The following SNAP47 variants were observed in gnomAD, a reference collection of about 807,000 sequenced individuals.
SNAP47 encodes synaptosome associated protein 47, also known as synaptosomal-associated protein 47.
A neutral mutation model predicts 31.4 loss-of-function variants in SNAP47; 20 were observed. The observed-to-expected ratio is 0.64, with a 90% CI of 0.45 to 0.93. SNAP47 has a LOEUF of 0.93. Among genes scored for constraint, SNAP47 ranks in the 40% least tolerant of loss-of-function variants. SNAP47 has a pLI of 0.00. For synonymous variants in SNAP47, 194 were observed against 213.4 expected (o/e 0.91, Z 0.79); for missense variants, 492 against 528.5 (o/e 0.93, Z 0.68).
At chr1:227,778,089 G>T (rs752555464) in intron 4 of SNAP47, among the ~76,000 whole-genome samples, 1 of 152,242 alleles carries the variant, frequency 6.6e-6, no homozygotes, top group African/African-American at 2.4e-5. Context: ...TGAGTTATTC[G>T]CAAGAGTGTA....
Position 227,762,498 on chromosome 1 carries a change from A to T in SNAP47, c.988+3013A>T, listed in dbSNP as rs1298462166. On this transcript the variant is annotated intron_variant, in intron 3 of 4. Coordinates refer to ENST00000617596, the MANE Select transcript of SNAP47 (RefSeq NM_053052.4). This position sits in a 1 kb window ranked among gnomAD's most constrained non-coding sequence, Gnocchi z 4.2. ...ACTCTGTGCCAGCTTCCCTGTGTTT[A>T]CTGCTCTCAGCTGGAAACTGTGGGC... Among the ~76,000 whole-genome samples the T allele has an allele frequency of 6.6e-6, 1 of 152,032 alleles. No individual in the cohort carries two copies. The highest frequency in any genetic ancestry group is 1.5e-5 in the Non-Finnish European group (1 of 67,988).
In SNAP47 at chr1:227,765,968, A is replaced by T. The variant is rs894138024; in HGVS notation, c.989-991A>T. 7.9e-5 allele frequency among the ~76,000 whole-genome samples: 12 copies of T among 152,096 alleles called. 1 individual carries two copies. Among genetic ancestry groups the T allele is most frequent in the African/African-American group, 2.4e-4 (10 of 41,404 alleles). On this transcript the variant is annotated intron_variant, in intron 3 of 4. Coordinates refer to ENST00000617596, the MANE Select transcript of SNAP47 (RefSeq NM_053052.4). ...GGGGTTGGAAGGTGAGCTTGTCAAGATCATTTAGGGAGTGATAGGCTAGAG... is the reference window on the plus strand; with the variant it reads ...GGGGTTGGAAGGTGAGCTTGTCAAGTTCATTTAGGGAGTGATAGGCTAGAG...
upstream of SNAP47, chr1:227,732,290 G>C (rs775515248): frequency 7.3e-7 from 1 of 1,373,536 alleles, no homozygotes; most frequent in East Asian, 2.3e-5. Context: ...CCTCGACAGG[G>C]GTGGGCCCCA....
chr1:227,753,053 A>G (rs187695499), intron 2 of SNAP47, among the ~76,000 whole-genome samples: 1 of 152,336 alleles, frequency 6.6e-6, no homozygotes, highest in East Asian at 1.9e-4. Flanking sequence ...ATTTTTAATA[A>G]TCTGCAGACT....
At chr1:227,734,069 T>G (rs769940955), upstream of SNAP47, 7 of 1,598,190 alleles carry the variant, frequency 4.4e-6, no homozygotes, top group South Asian at 7.8e-5. Flanking sequence ...CGACAGCACG[T>G]GAGGCACGAG....
chr1:227,761,885 T>G (rs140423905), intron 3 of SNAP47, among the ~76,000 whole-genome samples: 71 of 152,290 alleles, frequency 4.7e-4, no homozygotes, highest in African/African-American at 1.6e-3. Context: ...GGCTGGTGTT[T>G]GTAAGTGGGT....
chr1:227,748,067 G>A lies in SNAP47; in HGVS notation c.331G>A (p.Asp111Asn). 6.2e-7 allele frequency: 1 copy of A among 1,614,170 alleles called. No homozygotes were observed. Among genetic ancestry groups the A allele is most frequent in the Non-Finnish European group, 8.5e-7 (1 of 1,180,028 alleles). The change falls in exon 2 of 5, where the codon GAC becomes AAC. Residue 111 changes from aspartate to asparagine, a missense_variant. Asp to Asn is a conservative substitution (Grantham distance 23). Transcript: ENST00000617596. ...GCTGTCTCAGCCTGGAGCCGTGGCA[G>A]ACGCATCTGTCCCAAGGACCCGGGG... ...LLLSQPGAVA[D>N]ASVPRTRGEE...
chr1:227,747,806 ACTGGACAG>A lies in SNAP47; in HGVS notation c.74_81del (p.Gly25ValfsTer12). The A allele has an allele frequency of 6.2e-7, 1 of 1,614,220 alleles. No homozygotes were observed. On this transcript the variant is annotated frameshift_variant, in exon 2 of 5. Coordinates refer to ENST00000617596, the MANE Select transcript of SNAP47 (RefSeq NM_053052.4). LOFTEE classifies it high-confidence loss of function. ...CCTGGAGCCCAAGAGGCGATGGGTT[ACTGGACAG>A]CTGTCCTTAACATCGCTGTCGCTCA...
At chr1:227,776,842 C>T in intron 4 of SNAP47, 1 of 985,454 alleles carries the variant, frequency 1.0e-6, no homozygotes, top group Non-Finnish European at 1.2e-6. Context: ...AGGGTCTCAA[C>T]AGGCTATTTG....
chr1:227,747,536 A>G (rs919847671), intron 1 of SNAP47, among the ~76,000 whole-genome samples, 156 bp from the exon 2 acceptor site: 1 of 152,152 alleles, frequency 6.6e-6, no homozygotes, highest in African/African-American at 2.4e-5. Context: ...GAGAGGGTAC[A>G]TGGGCTTCGT....
At chr1:227,740,146 T>G (rs1449490602) in intron 1 of SNAP47, among the ~76,000 whole-genome samples, 6 of 152,200 alleles carry the variant, frequency 3.9e-5, no homozygotes, top group Non-Finnish European at 7.4e-5. Context: ...TTGGTGACAG[T>G]GCCTTAGGAA....
intron 2 of SNAP47, 124 bp from the exon 3 acceptor site, chr1:227,758,871 T>C: frequency 4.1e-6 from 5 of 1,206,660 alleles, no homozygotes; most frequent in Non-Finnish European, 5.6e-6. Context: ...GGAGTGCTTG[T>C]GGAAATGAAG....
intron 3 of SNAP47, 118 bp downstream of exon 3, chr1:227,759,603 G>T (rs1662936002): frequency 7.3e-7 from 1 of 1,364,514 alleles, no homozygotes; most frequent in East Asian, 2.3e-5. Context: ...CTGGCCTCCA[G>T]CTTGCTAGAG....
intron 2 of SNAP47, among the ~76,000 whole-genome samples, chr1:227,748,759 T>C (rs6674275): frequency 0.094 from 14,240 of 152,294 alleles, 1,010 homozygotes; most frequent in East Asian, 0.33. Context: ...GAGTGAGGTC[T>C]GTCTTGGTGA....
intron 1 of SNAP47, among the ~76,000 whole-genome samples, chr1:227,738,306 C>T (rs1270049470): frequency 6.6e-6 from 1 of 152,174 alleles, no homozygotes; most frequent in African/African-American, 2.4e-5. Flanking sequence ...TCCCAAAGTG[C>T]TGGGATTACA....
chr1:227,763,955 A>G lies in SNAP47; in HGVS notation c.989-3004A>G, dbSNP rs1354240958. Among the ~76,000 whole-genome samples the G allele has an allele frequency of 6.6e-6, 1 of 152,172 alleles. No individual in the cohort carries two copies. The highest frequency in any genetic ancestry group is 1.5e-5 in the Non-Finnish European group (1 of 68,038). The stretch of plus-strand genomic sequence containing the variant: ...GTCTTGCACAGGGGCCTGTGGCCTC[A>G]GGGCACTCTCTTTCCAGATGACCAA... On this transcript the variant is annotated intron_variant, in intron 3 of 4. Transcript: ENST00000617596. This position sits in a 1 kb window ranked among gnomAD's most constrained non-coding sequence, Gnocchi z 4.2.
chr1:227,766,977 G>A lies in SNAP47; in HGVS notation c.1007G>A (p.Arg336His), dbSNP rs755264056. Residue 336 changes from arginine to histidine, a missense_variant, in exon 4 of 5, where the codon CGT (arginine) becomes CAT (histidine). Transcript: ENST00000617596. ...CTTGCAGCATCTGGGCTGATGGGCC[G>A]TACCCTGCACCGTGAGCCACCCGCA... ...VWHAASGLMG[R>H]TLHREPPAGD... is the part of the protein sequence containing the mutation. 89 of 1,613,726 alleles carry A rather than the reference G, an allele frequency of 5.5e-5. No individual in the cohort carries two copies. The highest frequency in any genetic ancestry group is 1.6e-4 in the African/African-American group (12 of 74,922).
At chr1:227,737,537 C>T (rs1471202437) in intron 1 of SNAP47, among the ~76,000 whole-genome samples, 1 of 152,218 alleles carries the variant, frequency 6.6e-6, no homozygotes, top group East Asian at 1.9e-4. Flanking sequence ...GGGAGAGGGG[C>T]ACCTGCCTTC....
At chr1:227,734,073 G>T, upstream of SNAP47, 1 of 1,598,942 alleles carries the variant, frequency 6.3e-7, no homozygotes. Flanking sequence ...AGCACGTGAG[G>T]CACGAGGAGA....
Sources: allele counts gnomAD v4.1 joint callset (sites outside exome capture counted in the v4.1 genomes callset), GRCh38; gene constraint gnomAD v4.1.1; non-coding constraint Gnocchi (gnomAD v3.1); transcripts MANE v1.5; gene names NCBI Gene and HGNC (gene_info 2026-07-23, HGNC 2026-07-21).